The following NPLOC4 variants were observed in gnomAD, a reference collection of about 807,000 sequenced individuals.
The protein encoded by NPLOC4 is nuclear protein localization protein 4 homolog.
In NPLOC4, 18 loss-of-function variants were observed where a neutral mutation model predicts 80.6. That is an observed-to-expected ratio of 0.22 (90% CI 0.15 to 0.33). The LOEUF (loss-of-function observed/expected upper bound fraction) is 0.33, where lower values mean the gene tolerates loss of function less well. Among genes scored for constraint, NPLOC4 ranks in the 10% least tolerant of loss-of-function variants. The probability of loss-of-function intolerance (pLI) is 1.00; values close to 1 mark genes in which losing one functional copy is unlikely to be tolerated. For synonymous variants in NPLOC4, 313 were observed against 301.5 expected (o/e 1.04, Z -0.39); for missense variants, 540 against 786.1 (o/e 0.69, Z 3.74).
At chr17:81,565,088 T>G in intron 16 of NPLOC4, 1 of 572,792 alleles carries the variant, frequency 1.7e-6, no homozygotes, top group Non-Finnish European at 3.1e-6. Context: ...AGCAACAACA[T>G]GGATGCTGCA....
intron 2 of NPLOC4, among the ~76,000 whole-genome samples, chr17:81,625,666 G>C (rs1348130106): frequency 6.6e-6 from 1 of 152,088 alleles, no homozygotes; most frequent in African/African-American, 2.4e-5. Context: ...AGAAGTTTAA[G>C]GCTACAATGA....
intron 4 of NPLOC4, among the ~76,000 whole-genome samples, chr17:81,611,350 T>G (rs930590999): frequency 2.4e-4 from 36 of 151,784 alleles, no homozygotes; most frequent in Non-Finnish European, 4.3e-4. Context: ...TAGTTTTTTT[T>G]TTGTTTTCTT....
intron 16 of NPLOC4, chr17:81,563,424 G>A (rs1236039988): frequency 6.6e-6 from 1 of 151,868 alleles, no homozygotes; most frequent in African/African-American, 2.4e-5. Context: ...AAAAACATTA[G>A]TTGGGTGTAG....
At chr17:81,620,068 A>G (rs1189812880) in intron 3 of NPLOC4, among the ~76,000 whole-genome samples, 2 of 152,222 alleles carry the variant, frequency 1.3e-5, no homozygotes, top group Admixed American at 6.5e-5. Context: ...TCAATGGACC[A>G]AGTTCCTCAA....
intron 8 of NPLOC4, among the ~76,000 whole-genome samples, chr17:81,603,408 C>A (rs907340467): frequency 6.6e-6 from 1 of 151,876 alleles, no homozygotes; most frequent in African/African-American, 2.4e-5. Context: ...CCAACCTGGG[C>A]AATATAGCGA....
chr17:81,581,376 A>C lies in NPLOC4; in HGVS notation c.1281+7568T>G, dbSNP rs2034435711. Reference sequence around the variant, plus strand: ...AAAAAAAAAAAAAAAAAAAAAAAAAAGTTAATAAAATCACCATGTCACAAA... The same window carrying C: ...AAAAAAAAAAAAAAAAAAAAAAAAACGTTAATAAAATCACCATGTCACAAA... On this transcript the variant is annotated intron_variant, in intron 12 of 16. Transcript: ENST00000331134. Among the ~76,000 whole-genome samples, 3 of 23,254 alleles carry C rather than the reference A, an allele frequency of 1.3e-4. 1 individual carries two copies. The highest frequency in any genetic ancestry group is 5.7e-4 in the Non-Finnish European group (3 of 5,276). 15.3% of individuals were successfully genotyped at this position (23,254 alleles called of 152,430 possible).
rs2034329115 is a variant in NPLOC4 at position 81,577,325 on chromosome 17, C to T, written c.1282-5237G>A. On this transcript the variant is annotated intron_variant, in intron 12 of 16. Coordinates refer to ENST00000331134, the MANE Select transcript of NPLOC4 (RefSeq NM_017921.4). The surrounding 1 kb of genome is among the most constrained non-coding windows in gnomAD (Gnocchi z 4.3). ...ACTGTCCCTTGGCACCAGGACATCA[C>T]CCTCCCACCTCTCCCAGACCCTTCT... Among the ~76,000 whole-genome samples the T allele has an allele frequency of 6.6e-6, 1 of 151,956 alleles. No homozygotes were observed. Among genetic ancestry groups the T allele is most frequent in the Non-Finnish European group, 1.5e-5 (1 of 67,994 alleles).
intron 3 of NPLOC4, among the ~76,000 whole-genome samples, chr17:81,620,135 GT>G (rs2035625405): frequency 6.6e-6 from 1 of 152,294 alleles, no homozygotes; most frequent in South Asian, 2.1e-4. Flanking sequence ...ATTACAAGAA[GT>G]AAGACATACA....
At chr17:81,586,787 G>T (rs1410059371) in intron 12 of NPLOC4, among the ~76,000 whole-genome samples, 1 of 152,168 alleles carries the variant, frequency 6.6e-6, no homozygotes, top group Non-Finnish European at 1.5e-5. Context: ...GCTCTACCAG[G>T]CTCTCAGATG....
chr17:81,570,425 C>T (rs2034130593), intron 13 of NPLOC4, among the ~76,000 whole-genome samples: 2 of 152,220 alleles, frequency 1.3e-5, no homozygotes, highest in African/African-American at 2.4e-5. Context: ...TGCTCAGGCG[C>T]GTCCCTTGGG....
chr17:81,603,014 C>CACACATAT (rs386627318), intron 8 of NPLOC4, among the ~76,000 whole-genome samples: 2 of 140,982 alleles, frequency 1.4e-5, no homozygotes, highest in Non-Finnish European at 3.1e-5. Flanking sequence ...CACACACACA[C>CACACATAT]ATATAAAAGT....
chr17:81,557,530 G>C lies in NPLOC4; in HGVS notation c.*1729C>G, dbSNP rs1303604472. On this transcript the variant is annotated 3_prime_UTR_variant, in exon 17 of 17. Transcript: ENST00000331134. ...TCTCTCTAGAAGTCCGTGCTGTCCAGCCTCTGCCCAGTGGTGGGGGAAGGC... is the reference window on the plus strand; with the variant it reads ...TCTCTCTAGAAGTCCGTGCTGTCCACCCTCTGCCCAGTGGTGGGGGAAGGC... 2 of 152,310 alleles carry C rather than the reference G, an allele frequency of 1.3e-5. No individual in the cohort carries two copies. Among genetic ancestry groups the C allele is most frequent in the East Asian group, 3.8e-4 (2 of 5,202 alleles). 9.4% of individuals were successfully genotyped at this position (152,310 alleles called of 1,614,324 possible).
chr17:81,603,817 T>C (rs1041901653), intron 8 of NPLOC4, among the ~76,000 whole-genome samples: 12 of 152,216 alleles, frequency 7.9e-5, no homozygotes, highest in African/African-American at 2.9e-4. Flanking sequence ...TGCATATCAT[T>C]AACTAGCATT....
chr17:81,598,171 CAGTCAGAAA>C (rs1408242669), intron 9 of NPLOC4, among the ~76,000 whole-genome samples: 3 of 151,720 alleles, frequency 2.0e-5, no homozygotes, highest in Non-Finnish European at 4.4e-5. Context: ...AGAATGTTCT[CAGTCAGAAA>C]CTCCTTTTTG....
At chr17:81,575,057 G>A (rs574890157) in intron 12 of NPLOC4, among the ~76,000 whole-genome samples, 372 of 152,260 alleles carry the variant, frequency 2.4e-3, no homozygotes, top group Non-Finnish European at 3.5e-3. Flanking sequence ...GATCTGAGCC[G>A]CCACAGGATA....
chr17:81,629,395 G>C (rs947109507), intron 2 of NPLOC4, among the ~76,000 whole-genome samples: 1 of 151,476 alleles, frequency 6.6e-6, no homozygotes, highest in African/African-American at 2.4e-5. Flanking sequence ...TCACCATCTT[G>C]GCCAGGCTGG....
chr17:81,584,042 C>G (rs1303640425), intron 12 of NPLOC4, among the ~76,000 whole-genome samples: 1 of 152,178 alleles, frequency 6.6e-6, no homozygotes, highest in African/African-American at 2.4e-5. Flanking sequence ...TGGGACAGGG[C>G]TTTTCAATTG....
chr17:81,582,340 G>T (rs1290593213), intron 12 of NPLOC4, among the ~76,000 whole-genome samples: 1 of 152,350 alleles, frequency 6.6e-6, no homozygotes, highest in Non-Finnish European at 1.5e-5. Context: ...GCATGGACCC[G>T]AGTTTCACCT....
intron 6 of NPLOC4, among the ~76,000 whole-genome samples, 174 bp downstream of exon 6, chr17:81,608,552 CAT>C (rs2035263272): frequency 1.3e-5 from 2 of 152,180 alleles, no homozygotes; most frequent in South Asian, 4.1e-4. Context: ...CTCTTAAAAA[CAT>C]ATATGAGTAC....
Sources: gnomAD v4.1 joint callset for allele counts (sites outside exome capture counted in the v4.1 genomes callset) on GRCh38, gnomAD v4.1.1 for gene constraint, Gnocchi (gnomAD v3.1) non-coding constraint, MANE v1.5 for transcripts, NCBI Gene and HGNC (gene_info 2026-07-23, HGNC 2026-07-21) for gene names.